FAM133A: variants seen among roughly 807,000 people sequenced by gnomAD.
The protein encoded by FAM133A is family with sequence similarity 133 member A.
For missense variants in FAM133A, 159 were observed against 164.4 expected (o/e 0.97, Z 0.18); for synonymous variants, 65 against 58.6 (o/e 1.11, Z -0.50).
chrX:93,709,201 G>A, intron 3 of FAM133A, 116 bp from the exon 4 acceptor site: 1 of 348,217 alleles, frequency 2.9e-6, no homozygotes, highest in Non-Finnish European at 4.5e-6. Flanking sequence ...CATGGTATAA[G>A]ATTTTGGAAA....
chrX:93,691,958 A>C (rs1271511124), intron 2 of FAM133A, among the ~76,000 whole-genome samples: 1 of 110,827 alleles, frequency 9.0e-6, no homozygotes, highest in African/African-American at 3.3e-5. Context: ...AAAGGCAGAG[A>C]TTTTTCAAGC....
chrX:93,697,181 A>ATATATAT (rs1556031161), intron 2 of FAM133A, among the ~76,000 whole-genome samples: 1,388 of 76,021 alleles, frequency 0.018, 28 homozygotes, highest in African/African-American at 0.052. Flanking sequence ...ATATATATAT[A>ATATATAT]TATATATATA....
intron 2 of FAM133A, among the ~76,000 whole-genome samples, chrX:93,693,168 C>G (rs1046861568): frequency 9.0e-6 from 1 of 111,210 alleles, no homozygotes; most frequent in African/African-American, 3.3e-5. Flanking sequence ...CAGGGTCTTT[C>G]TGACAAACTA....
chrX:93,701,959 A>C (rs1390418387), intron 3 of FAM133A, among the ~76,000 whole-genome samples: 2 of 111,586 alleles, frequency 1.8e-5, no homozygotes, highest in East Asian at 5.6e-4. Context: ...CATTCCTACT[A>C]CTTGAGAAAT....
chrX:93,710,091 G>A lies in FAM133A; in HGVS notation c.672G>A (p.Lys224=), dbSNP rs1191691394. Reference sequence around the variant, plus strand: ...AACAAGCAAAGGAAAAAGTAAAGAAGAAGAAGAAGAAACAGCACAAGAAAC... The same window carrying A: ...AACAAGCAAAGGAAAAAGTAAAGAAAAAGAAGAAGAAACAGCACAAGAAAC... ...EREQAKEKVK[K]KKKKQHKKHS... is the part of the protein sequence containing the mutation. The change falls in exon 4 of 4, where the codon AAG becomes AAA. Residue 224 remains lysine, a synonymous_variant. Coordinates refer to ENST00000683942, the MANE Select transcript of FAM133A (RefSeq NM_001171109.2). 1.7e-6 allele frequency: 2 copies of A among 1,197,431 alleles called. No homozygotes were observed. The highest frequency in any genetic ancestry group is 2.3e-6 in the Non-Finnish European group (2 of 887,948).
intron 2 of FAM133A, among the ~76,000 whole-genome samples, chrX:93,693,321 GTAT>G: frequency 9.0e-6 from 1 of 110,959 alleles, no homozygotes; most frequent in South Asian, 3.8e-4. Context: ...ATAGCCATCT[GTAT>G]TATGTATAGG....
chrX:93,704,771 G>T (rs918008901), intron 3 of FAM133A, among the ~76,000 whole-genome samples: 3 of 111,893 alleles, frequency 2.7e-5, no homozygotes, highest in African/African-American at 9.7e-5. Context: ...TCAAAAAGGA[G>T]AAATTGAGAT....
intron 2 of FAM133A, among the ~76,000 whole-genome samples, chrX:93,690,762 T>C (rs1925834706): frequency 8.9e-6 from 1 of 111,974 alleles, no homozygotes; most frequent in African/African-American, 3.2e-5. Flanking sequence ...CTGTGTTGTA[T>C]GGTATATTTG....
rs1387630749 is a variant in FAM133A at position 93,710,254 on chromosome X, A to G, written c.*88A>G. 9.7e-7 allele frequency: 1 copy of G among 1,033,475 alleles called. No homozygotes were observed. The highest frequency in any genetic ancestry group is 3.5e-5 in the Admixed American group (1 of 28,775). The allele number at this position is 1,033,475 out of a possible 1,213,427, so 85.2% of individuals were successfully genotyped here. A position where few individuals can be genotyped will look rare whatever the true frequency, so the allele number is the denominator to read the frequency against. ...GACTTTGAGTTGCCTATCAAATCCCACTGTGCCAGTAAGGGGCATAGTGGC... is the reference window on the plus strand; with the variant it reads ...GACTTTGAGTTGCCTATCAAATCCCGCTGTGCCAGTAAGGGGCATAGTGGC... On this transcript the variant is annotated 3_prime_UTR_variant, in exon 4 of 4. Coordinates refer to ENST00000683942, the MANE Select transcript of FAM133A (RefSeq NM_001171109.2).
chrX:93,703,408 G>A (rs1423102581), intron 3 of FAM133A, among the ~76,000 whole-genome samples: 1 of 110,768 alleles, frequency 9.0e-6, no homozygotes, highest in African/African-American at 3.3e-5. Context: ...ATGGACATTA[G>A]TTAACAATAG....
In FAM133A at chrX:93,711,445, T is replaced by C. The variant is rs941781933; in HGVS notation, c.*1279T>C. Reference sequence around the variant, plus strand: ...CTTGTATCTGTTGCTGATTCACTTTTACCACTAGTGTAAAAATAAGTGAAA... The same window carrying C: ...CTTGTATCTGTTGCTGATTCACTTTCACCACTAGTGTAAAAATAAGTGAAA... On this transcript the variant is annotated 3_prime_UTR_variant, in exon 4 of 4. Transcript: ENST00000683942. The C allele has an allele frequency of 8.1e-6, 1 of 123,005 alleles. No individual in the cohort carries two copies. Among genetic ancestry groups the C allele is most frequent in the Non-Finnish European group, 1.9e-5 (1 of 53,198 alleles). The allele number at this position is 123,005 out of a possible 1,213,427, so 10.1% of individuals were successfully genotyped here. A position where few individuals can be genotyped will look rare whatever the true frequency, so the allele number is the denominator to read the frequency against.
At chrX:93,682,215 G>A in intron 2 of FAM133A, among the ~76,000 whole-genome samples, 1 of 111,957 alleles carries the variant, frequency 8.9e-6, no homozygotes, top group South Asian at 3.7e-4. Flanking sequence ...CCATCTCACA[G>A]AGCAATGGTG....
At chrX:93,687,190 C>T in intron 2 of FAM133A, among the ~76,000 whole-genome samples, 1 of 112,351 alleles carries the variant, frequency 8.9e-6, no homozygotes, top group Middle Eastern at 4.6e-3. Context: ...GCCTTTGCTG[C>T]AACTTGGATA....
chrX:93,677,226 A>G lies in FAM133A; in HGVS notation c.-193+2474A>G, dbSNP rs1362260391. ...ACACAGAATCTGATAGTATACTCAG[A>G]CTGAACATAGTACATTAACATCTGT... On this transcript the variant is annotated intron_variant, in intron 2 of 3. Coordinates refer to ENST00000683942, the MANE Select transcript of FAM133A (RefSeq NM_001171109.2). Among the ~76,000 whole-genome samples the G allele has an allele frequency of 3.6e-5, 4 of 110,490 alleles. No individual in the cohort carries two copies. In the East Asian group the frequency reaches 1.1e-3, roughly 31 times the overall value.
intron 3 of FAM133A, among the ~76,000 whole-genome samples, chrX:93,700,958 C>T (rs1926652160): frequency 9.0e-6 from 1 of 111,168 alleles, no homozygotes; most frequent in Non-Finnish European, 1.9e-5. Flanking sequence ...GAATTATGTT[C>T]ACTGGGAAAA....
rs376335726 is a variant in FAM133A, at chrX:93,679,915, A to ATTTTT, written c.-193+5202_-193+5206dup. ...AGGTGTGTACCACCACTCCTGGCAA[A>ATTTTT]TTTTTTTTTTTTTTTTTTTTTTTTT... On this transcript the variant is annotated intron_variant, in intron 2 of 3. Coordinates refer to ENST00000683942, the MANE Select transcript of FAM133A (RefSeq NM_001171109.2). Among the ~76,000 whole-genome samples, 99 of 62,390 alleles carry ATTTTT rather than the reference A, an allele frequency of 1.6e-3. 14 individuals are homozygous for ATTTTT. The highest frequency in any genetic ancestry group is 5.0e-3 in the African/African-American group (60 of 11,983). 54.2% of individuals were successfully genotyped at this position (62,390 alleles called of 115,157 possible).
intron 3 of FAM133A, among the ~76,000 whole-genome samples, chrX:93,707,571 C>A (rs1927121246): frequency 9.0e-6 from 1 of 111,414 alleles, no homozygotes; most frequent in Admixed American, 9.6e-5. Context: ...TTTATCTCTG[C>A]AAACTTACCT....
At chrX:93,682,043 A>T (rs1327566867) in intron 2 of FAM133A, among the ~76,000 whole-genome samples, 1 of 111,622 alleles carries the variant, frequency 9.0e-6, no homozygotes, top group East Asian at 2.8e-4. Context: ...AAACACTTAT[A>T]TCCTTGCCCT....
intron 2 of FAM133A, among the ~76,000 whole-genome samples, chrX:93,682,778 G>A (rs1469542686): frequency 9.0e-6 from 1 of 110,571 alleles, no homozygotes; most frequent in East Asian, 2.9e-4. Flanking sequence ...ACCATGCCCA[G>A]CTAATTTTTG....
Sources: gnomAD v4.1 joint callset for allele counts (sites outside exome capture counted in the v4.1 genomes callset) on GRCh38, gnomAD v4.1.1 for gene constraint, MANE v1.5 for transcripts, NCBI Gene and HGNC (gene_info 2026-07-23, HGNC 2026-07-21) for gene names.